The following SUMF1 variants were observed in gnomAD, a reference collection of about 807,000 sequenced individuals.
SUMF1 encodes formylglycine-generating enzyme.
In SUMF1, 48 loss-of-function variants were observed where a neutral mutation model predicts 47.6. The observed-to-expected ratio is 1.01, with a 90% CI of 0.80 to 1.28. SUMF1 has a LOEUF of 1.28. Ranked by LOEUF, SUMF1 falls within the 50% of genes most tolerant of loss-of-function variation. SUMF1 has a pLI of 0.00. For missense variants in SUMF1, 571 were observed against 485.4 expected (o/e 1.18, Z -1.66); for synonymous variants, 230 against 192.1 (o/e 1.20, Z -1.63).
chr3:4,329,724 T>G (rs187961106), intron 8 of SUMF1, among the ~76,000 whole-genome samples: 56 of 152,264 alleles, frequency 3.7e-4, no homozygotes, highest in Admixed American at 7.2e-4. Context: ...TCATTACTTA[T>G]GCAAATTTTT....
At chr3:4,434,196 T>G (rs1251326625) in intron 3 of SUMF1, among the ~76,000 whole-genome samples, 1 of 152,068 alleles carries the variant, frequency 6.6e-6, no homozygotes, top group East Asian at 1.9e-4. Context: ...ATGCATAATG[T>G]TGATGGTTGT....
chr3:4,358,006 G>A (rs1261416527), downstream of SUMF1, among the ~76,000 whole-genome samples: 1 of 152,092 alleles, frequency 6.6e-6, no homozygotes, highest in Non-Finnish European at 1.5e-5. Flanking sequence ...AAAAGTAAAA[G>A]GTGGGGGTGA....
chr3:4,161,082 G>A (rs916020328), intron 8 of SUMF1, among the ~76,000 whole-genome samples: 9 of 152,292 alleles, frequency 5.9e-5, no homozygotes, highest in Admixed American at 3.3e-4. Flanking sequence ...GATTCATAGA[G>A]ATACCACCTT....
At chr3:4,362,340 T>C (rs1575132001) in intron 8 of SUMF1, 86 bp from the exon 9 acceptor site, 2 of 1,082,548 alleles carry the variant, frequency 1.8e-6, no homozygotes, top group Non-Finnish European at 2.8e-6. Context: ...GCACCGGCTG[T>C]AGACAGTGCT....
intron 8 of SUMF1, among the ~76,000 whole-genome samples, chr3:4,218,251 T>A (rs73806933): frequency 6.6e-6 from 1 of 152,002 alleles, no homozygotes; most frequent in African/African-American, 2.4e-5. Flanking sequence ...TCCTGAATTG[T>A]GAGAGAATAA....
intron 8 of SUMF1, among the ~76,000 whole-genome samples, chr3:4,158,891 T>A (rs1302404522): frequency 6.6e-6 from 1 of 151,604 alleles, no homozygotes; most frequent in Non-Finnish European, 1.5e-5. Flanking sequence ...GAAGTGTGTT[T>A]CTTGTAGGCA....
At chr3:4,260,903 G>A (rs1285486652) in intron 8 of SUMF1, among the ~76,000 whole-genome samples, 2 of 152,130 alleles carry the variant, frequency 1.3e-5, no homozygotes, top group Admixed American at 1.3e-4. Context: ...GAAAAGGCAA[G>A]GTAACGAATT....
intron 8 of SUMF1, among the ~76,000 whole-genome samples, chr3:4,146,668 T>C (rs1481124004): frequency 3.3e-5 from 5 of 151,972 alleles, no homozygotes; most frequent in Non-Finnish European, 7.4e-5. Context: ...GTATATCTCC[T>C]AATGTTATCC....
chr3:4,178,254 G>A (rs995698586), intron 8 of SUMF1, among the ~76,000 whole-genome samples: 7 of 152,032 alleles, frequency 4.6e-5, no homozygotes, highest in Non-Finnish European at 8.8e-5. Flanking sequence ...AGAATGTTAG[G>A]CCAATATCCC....
chr3:4,221,956 C>T (rs1469554048), intron 8 of SUMF1, among the ~76,000 whole-genome samples: 4 of 149,818 alleles, frequency 2.7e-5, no homozygotes, highest in Non-Finnish European at 5.9e-5. Context: ...TTTTTTTTTG[C>T]AAGCACTACA....
chr3:4,050,930 T>G (rs940814817), intron 9 of SUMF1, among the ~76,000 whole-genome samples: 1 of 151,722 alleles, frequency 6.6e-6, no homozygotes, highest in African/African-American at 2.4e-5. Context: ...GTAAGAAAAT[T>G]TAATTCCTCC....
chr3:4,284,912 A>C (rs1697602132), intron 8 of SUMF1, among the ~76,000 whole-genome samples: 1 of 152,186 alleles, frequency 6.6e-6, no homozygotes, highest in African/African-American at 2.4e-5. Context: ...ACAAAGATTT[A>C]GCTGTTAACT....
chr3:4,107,834 C>T (rs922214457), intron 8 of SUMF1, among the ~76,000 whole-genome samples: 3 of 151,980 alleles, frequency 2.0e-5, no homozygotes, highest in Admixed American at 6.6e-5. Flanking sequence ...AAGAGCTATA[C>T]TTTTTTAAAA....
chr3:4,289,776 T>C (rs1697704892), intron 8 of SUMF1, among the ~76,000 whole-genome samples: 1 of 152,140 alleles, frequency 6.6e-6, no homozygotes, highest in Admixed American at 6.5e-5. Flanking sequence ...AAACGACCAT[T>C]TAAAATAGCA....
intron 8 of SUMF1, among the ~76,000 whole-genome samples, chr3:4,144,505 A>G (rs1694148682): frequency 6.6e-6 from 1 of 152,158 alleles, no homozygotes; most frequent in Non-Finnish European, 1.5e-5. Flanking sequence ...ATGAAAAACA[A>G]GAGACCAGAA....
At position 4,376,372 on chromosome 3, in the gene SUMF1, C is replaced by T. The variant is rs2124845346; in HGVS notation, c.972G>A (p.Gly324=). 1 of 1,614,158 alleles carries T rather than the reference C, an allele frequency of 6.2e-7. No homozygotes were observed. Among genetic ancestry groups the T allele is most frequent in the Non-Finnish European group, 8.5e-7 (1 of 1,179,994 alleles). The change falls in exon 8 of 9, where the codon GGG becomes GGA. Residue 324 remains glycine, a synonymous_variant. Transcript: ENST00000272902. ...ATCCACCTTTCTTCACTCGGTCTTT[C>T]CCAGAAGGGGGACCTTTCTACAGAT... ...ETLNPKGPPS[G]KDRVKKGGSY...
intron 8 of SUMF1, among the ~76,000 whole-genome samples, chr3:4,213,497 G>C (rs181716524): frequency 1.3e-5 from 2 of 152,222 alleles, no homozygotes; most frequent in African/African-American, 4.8e-5. Flanking sequence ...TGAAGAAACT[G>C]CATCAACTAA....
intron 8 of SUMF1, among the ~76,000 whole-genome samples, chr3:4,132,214 G>A (rs1693808659): frequency 6.6e-6 from 1 of 152,072 alleles, no homozygotes; most frequent in Non-Finnish European, 1.5e-5. Flanking sequence ...CTCACAGAAC[G>A]CCTCACCTAC....
chr3:4,221,839 G>A (rs1696071341), intron 8 of SUMF1, among the ~76,000 whole-genome samples: 1 of 151,856 alleles, frequency 6.6e-6, no homozygotes, highest in Admixed American at 6.6e-5. Context: ...ACACACATTT[G>A]GAAAAAGTTG....
Sources: gnomAD v4.1 joint callset for allele counts (sites outside exome capture counted in the v4.1 genomes callset) on GRCh38, gnomAD v4.1.1 for gene constraint, MANE v1.5 for transcripts, NCBI Gene and HGNC (gene_info 2026-07-23, HGNC 2026-07-21) for gene names.